UBTD1: variants seen among roughly 807,000 people sequenced by gnomAD.
The protein encoded by UBTD1 is ubiquitin domain containing 1, also known as ubiquitin domain-containing protein 1.
UBTD1 carries 19 observed loss-of-function variants against 21.7 expected under a neutral mutation model. The ratio of observed to expected loss-of-function variants is 0.87; its 90% CI spans 0.61 to 1.28. UBTD1 has a LOEUF of 1.28. Among genes scored for constraint, UBTD1 ranks in the 50% most tolerant of loss-of-function variants. The probability of loss-of-function intolerance (pLI) is 0.00; values close to 1 mark genes in which losing one functional copy is unlikely to be tolerated. For missense variants in UBTD1, 282 were observed against 315.1 expected, an observed-to-expected ratio of 0.89 and a Z score of 0.80; for synonymous variants, 116 against 135.1, an observed-to-expected ratio of 0.86 and a Z score of 0.98.
At chr10:97,526,682 C>G (rs1452554062) in intron 1 of UBTD1, among the ~76,000 whole-genome samples, 1 of 151,918 alleles carries the variant, frequency 6.6e-6, no homozygotes, top group East Asian at 1.9e-4. Flanking sequence ...GAAACCCCAT[C>G]TCTACTAAAA....
At chr10:97,499,437 C>G (rs1456770895) in intron 1 of UBTD1, among the ~76,000 whole-genome samples, 164 bp downstream of exon 1, 1 of 152,164 alleles carries the variant, frequency 6.6e-6, no homozygotes, top group East Asian at 1.9e-4. Context: ...GCCGGGCGGC[C>G]GGGGGAGCTG....
chr10:97,518,616 C>G (rs1564736568), intron 1 of UBTD1, among the ~76,000 whole-genome samples: 1 of 152,248 alleles, frequency 6.6e-6, no homozygotes, highest in Non-Finnish European at 1.5e-5. Flanking sequence ...CGTTTCCAAT[C>G]TCAGACCCCT....
At chr10:97,510,344 A>G (rs1343675857) in intron 1 of UBTD1, among the ~76,000 whole-genome samples, 1 of 152,246 alleles carries the variant, frequency 6.6e-6, no homozygotes, top group African/African-American at 2.4e-5. Context: ...GTGACAGGTC[A>G]TTATGACAAA....
At chr10:97,564,551 C>T (rs1174600024) in intron 1 of UBTD1, among the ~76,000 whole-genome samples, 1 of 152,156 alleles carries the variant, frequency 6.6e-6, no homozygotes, top group African/African-American at 2.4e-5. Context: ...ACCTTGGTCT[C>T]CACAACTCCT....
Position 97,570,659 on chromosome 10 carries a change from G to C in UBTD1, c.*136G>C. 1 of 1,101,472 alleles carries C rather than the reference G, an allele frequency of 9.1e-7. No individual in the cohort carries two copies. The highest frequency in any genetic ancestry group is 2.7e-5 in the Admixed American group (1 of 36,724). The allele number at this position is 1,101,472 out of a possible 1,614,324, so 68.2% of individuals were successfully genotyped here. On this transcript the variant is annotated 3_prime_UTR_variant, in exon 3 of 3. Coordinates refer to ENST00000370664, the MANE Select transcript of UBTD1 (RefSeq NM_024954.5). The surrounding 1 kb of genome is among the most constrained non-coding windows in gnomAD (Gnocchi z 6.6). ...GGTGGGTGAGCCGTGAAGGGACCCT[G>C]CCTTTCAGGGCACTACGCGCCACCA... is the stretch of plus-strand genomic sequence containing the variant.
At chr10:97,536,484 T>C (rs1035780865) in intron 1 of UBTD1, among the ~76,000 whole-genome samples, 1 of 152,216 alleles carries the variant, frequency 6.6e-6, no homozygotes, top group Non-Finnish European at 1.5e-5. Context: ...TGTTTGATTT[T>C]AAAATGACCC....
chr10:97,499,420 C>G, intron 1 of UBTD1, 147 bp downstream of exon 1: 1 of 1,073,242 alleles, frequency 9.3e-7, no homozygotes, highest in Non-Finnish European at 1.3e-6. Flanking sequence ...GGGGGCCGCT[C>G]CCCAGCGCCG....
chr10:97,528,082 T>C (rs7893594), intron 1 of UBTD1, among the ~76,000 whole-genome samples: 105,776 of 117,210 alleles, frequency 0.9, 48,274 homozygotes, highest in East Asian at 0.98. Flanking sequence ...GGGGGCTGAC[T>C]CCCCCACCTC....
chr10:97,555,866 CTTG>C (rs1292292108), intron 1 of UBTD1, among the ~76,000 whole-genome samples: 1 of 152,186 alleles, frequency 6.6e-6, no homozygotes, highest in African/African-American at 2.4e-5. Flanking sequence ...GTTTTACTTC[CTTG>C]TTGTTTTTTC....
intron 1 of UBTD1, among the ~76,000 whole-genome samples, chr10:97,501,480 C>T (rs1483337356): frequency 2.6e-5 from 4 of 152,176 alleles, no homozygotes; most frequent in African/African-American, 9.7e-5. Context: ...ATCCCAGCTA[C>T]TCAGGAGGCT....
intron 1 of UBTD1, among the ~76,000 whole-genome samples, chr10:97,545,426 G>T (rs1257837614): frequency 4.8e-5 from 1 of 20,822 alleles, no homozygotes; most frequent in African/African-American, 9.7e-5. Flanking sequence ...GGGTGTGTGT[G>T]TGTGGGTGTG....
At chr10:97,569,899 G>C (rs534357010) in intron 2 of UBTD1, among the ~76,000 whole-genome samples, 10 of 151,568 alleles carry the variant, frequency 6.6e-5, no homozygotes, top group Admixed American at 3.3e-4. Flanking sequence ...AGGCAACATA[G>C]GGAGATCTTG....
At chr10:97,534,955 AT>A (rs1179119679) in intron 1 of UBTD1, among the ~76,000 whole-genome samples, 7 of 152,140 alleles carry the variant, frequency 4.6e-5, no homozygotes, top group African/African-American at 1.7e-4. Flanking sequence ...GAAAGCCCTC[AT>A]TGGCCAGGAG....
chr10:97,520,335 T>C (rs1486833732), intron 1 of UBTD1, among the ~76,000 whole-genome samples: 2 of 152,162 alleles, frequency 1.3e-5, no homozygotes, highest in Non-Finnish European at 2.9e-5. Flanking sequence ...GAGGTCCTGG[T>C]TCAAGGCTAA....
At chr10:97,555,185 G>C (rs2040658279) in intron 1 of UBTD1, among the ~76,000 whole-genome samples, 1 of 152,180 alleles carries the variant, frequency 6.6e-6, no homozygotes, top group Non-Finnish European at 1.5e-5. Context: ...TAATGATTGT[G>C]ACTCCTGGTG....
At chr10:97,550,399 T>C (rs941255699) in intron 1 of UBTD1, among the ~76,000 whole-genome samples, 7 of 152,174 alleles carry the variant, frequency 4.6e-5, no homozygotes, top group African/African-American at 1.7e-4. Flanking sequence ...GGCTCACTTA[T>C]TCCAGTCCCT....
intron 1 of UBTD1, among the ~76,000 whole-genome samples, chr10:97,543,198 G>A (rs1326543124): frequency 6.6e-6 from 1 of 152,234 alleles, no homozygotes; most frequent in Non-Finnish European, 1.5e-5. Context: ...GGAGAGCGGG[G>A]AGCGCCTGGT....
At chr10:97,552,281 G>A (rs963541345) in intron 1 of UBTD1, among the ~76,000 whole-genome samples, 1 of 151,832 alleles carries the variant, frequency 6.6e-6, no homozygotes, top group African/African-American at 2.4e-5. Flanking sequence ...GGCGGAGGTG[G>A]GAGCATCGCT....
intron 1 of UBTD1, among the ~76,000 whole-genome samples, chr10:97,544,790 A>G (rs533991841): frequency 6.6e-6 from 1 of 152,234 alleles, no homozygotes; most frequent in Non-Finnish European, 1.5e-5. Context: ...TAGGAGTTTG[A>G]AGCCAGCCTG....
Sources: gnomAD v4.1 joint callset for allele counts (sites outside exome capture counted in the v4.1 genomes callset) on GRCh38, gnomAD v4.1.1 for gene constraint, Gnocchi (gnomAD v3.1) non-coding constraint, MANE v1.5 for transcripts, NCBI Gene and HGNC (gene_info 2026-07-23, HGNC 2026-07-21) for gene names.